HDAC9: variants seen among roughly 807,000 people sequenced by gnomAD.
HDAC9 encodes MEF-2 interacting transcription repressor (MITR) protein.
HDAC9 carries 41 observed loss-of-function variants against 139.4 expected under a neutral mutation model. That is an observed-to-expected ratio of 0.29 (90% CI 0.23 to 0.38). The LOEUF is 0.38. Among genes scored for constraint, HDAC9 ranks in the 10% least tolerant of loss-of-function variants. The pLI is 1.00. For missense variants in HDAC9, 1,147 were observed against 1,297.0 expected, an observed-to-expected ratio of 0.88 and a Z score of 1.78; for synonymous variants, 517 against 476.2, an observed-to-expected ratio of 1.09 and a Z score of -1.12.
chr7:18,719,864 T>C (rs1413390164), intron 12 of HDAC9, among the ~76,000 whole-genome samples: 1 of 152,236 alleles, frequency 6.6e-6, no homozygotes, highest in Non-Finnish European at 1.5e-5. Flanking sequence ...GTTCTATTTG[T>C]TACAAAGTCC....
intron 13 of HDAC9, among the ~76,000 whole-genome samples, chr7:18,742,585 G>T (rs1787561185): frequency 6.6e-6 from 1 of 152,040 alleles, no homozygotes; most frequent in East Asian, 1.9e-4. Context: ...CCAGCAATAT[G>T]TCCCAGGTAT....
intron 17 of HDAC9, among the ~76,000 whole-genome samples, chr7:18,816,954 T>G (rs1257935088): frequency 6.6e-6 from 1 of 152,156 alleles, no homozygotes; most frequent in Non-Finnish European, 1.5e-5. Context: ...TGTAATTTTT[T>G]GGGCCCTATT....
intron 1 of HDAC9, among the ~76,000 whole-genome samples, chr7:18,137,500 A>G (rs1363608086): frequency 3.9e-5 from 6 of 152,030 alleles, no homozygotes. Flanking sequence ...ATTTATTGAG[A>G]GATTTTAGCA....
At chr7:18,376,008 G>T (rs1784970793) in intron 1 of HDAC9, among the ~76,000 whole-genome samples, 1 of 152,154 alleles carries the variant, frequency 6.6e-6, no homozygotes, top group South Asian at 2.1e-4. Flanking sequence ...ATTAAAACAT[G>T]ATTATTGACC....
At chr7:18,161,347 G>A (rs1239290035) in intron 1 of HDAC9, among the ~76,000 whole-genome samples, 3 of 152,024 alleles carry the variant, frequency 2.0e-5, no homozygotes, top group Non-Finnish European at 4.4e-5. Context: ...AAATAGTGAC[G>A]GAAAAACGAG....
intron 12 of HDAC9, among the ~76,000 whole-genome samples, chr7:18,686,717 A>T (rs1562851802): frequency 6.6e-6 from 1 of 151,934 alleles, no homozygotes; most frequent in East Asian, 1.9e-4. Context: ...CTGAAATTTT[A>T]ACTCTGTCAA....
At chr7:18,755,430 A>C (rs1027954776) in intron 14 of HDAC9, among the ~76,000 whole-genome samples, 3 of 152,198 alleles carry the variant, frequency 2.0e-5, no homozygotes, top group Non-Finnish European at 4.4e-5. Flanking sequence ...ATTAATAAAA[A>C]GAGTTATATA....
intron 1 of HDAC9, among the ~76,000 whole-genome samples, chr7:18,354,664 TC>T (rs1783114830): frequency 6.6e-6 from 1 of 152,202 alleles, no homozygotes; most frequent in Non-Finnish European, 1.5e-5. Context: ...ATCTTTGCTT[TC>T]TTCTTTTGTC....
intron 21 of HDAC9, among the ~76,000 whole-genome samples, chr7:18,841,713 C>T (rs753017259): frequency 1.3e-5 from 2 of 152,066 alleles, no homozygotes; most frequent in Admixed American, 6.6e-5. Context: ...GCATTTTAGT[C>T]TATTTAACTT....
intron 24 of HDAC9, among the ~76,000 whole-genome samples, chr7:18,955,125 T>C (rs1783059318): frequency 6.6e-6 from 1 of 152,142 alleles, no homozygotes; most frequent in Non-Finnish European, 1.5e-5. Context: ...TGAAATAAAC[T>C]ATGAATTTTG....
At chr7:18,665,676 C>T (rs1217624217) in intron 11 of HDAC9, among the ~76,000 whole-genome samples, 1 of 151,940 alleles carries the variant, frequency 6.6e-6, no homozygotes, top group Non-Finnish European at 1.5e-5. Flanking sequence ...CTAGTTCTTA[C>T]AAATATATAT....
chr7:18,095,152 T>C (rs1316145392), intron 1 of HDAC9, among the ~76,000 whole-genome samples: 1 of 152,132 alleles, frequency 6.6e-6, no homozygotes, highest in Non-Finnish European at 1.5e-5. Flanking sequence ...ATTAGGAAGC[T>C]GTGCTTCTCT....
intron 23 of HDAC9, among the ~76,000 whole-genome samples, chr7:18,946,036 CAAAAAAAAAAAAAAAAAAA>C (rs1171055959): frequency 1.3e-4 from 5 of 38,276 alleles, no homozygotes; most frequent in East Asian, 1.5e-3. Context: ...GACTCCGTCT[CAAAAAAAAAAAAAAAAAAA>C]AAAAAAAAAA....
intron 1 of HDAC9, among the ~76,000 whole-genome samples, chr7:18,299,979 A>C (rs1798426628): frequency 1.3e-5 from 2 of 152,164 alleles, no homozygotes; most frequent in Non-Finnish European, 2.9e-5. Context: ...TTAATGAAGC[A>C]GTTGAGGTCC....
At chr7:18,402,432 A>G (rs1482127561) in intron 1 of HDAC9, among the ~76,000 whole-genome samples, 1 of 152,200 alleles carries the variant, frequency 6.6e-6, no homozygotes, top group Non-Finnish European at 1.5e-5. Flanking sequence ...GTGCAAAGGC[A>G]TGAGACAGTG....
At chr7:18,107,315 TA>T (rs1783287086) in intron 1 of HDAC9, among the ~76,000 whole-genome samples, 4 of 152,220 alleles carry the variant, frequency 2.6e-5, no homozygotes, top group African/African-American at 9.6e-5. Context: ...TCTTTACAAC[TA>T]AATTCCAGTA....
At chr7:18,431,429 C>G (rs1055803339) in intron 1 of HDAC9, among the ~76,000 whole-genome samples, 2 of 152,136 alleles carry the variant, frequency 1.3e-5, no homozygotes, top group African/African-American at 4.8e-5. Flanking sequence ...GCCTGTGTAA[C>G]TTTTCCATTT....
In HDAC9 at chr7:18,796,729, T is replaced by A. The variant is rs182527462; in HGVS notation, c.2322+3277T>A. Among the ~76,000 whole-genome samples the A allele has an allele frequency of 1.4e-3, 210 of 152,290 alleles. 1 individual carries two copies. In the Middle Eastern group the frequency reaches 0.017, roughly 12 times the overall value. ...TGGAAGAATAATTATCTCAAAATGG[T>A]TTTATTGTTTTATAGGACATTTTAG... is the stretch of plus-strand genomic sequence containing the variant. On this transcript the variant is annotated intron_variant, in intron 17 of 25. Transcript: ENST00000686413.
intron 2 of HDAC9, chr7:18,578,190 G>A (rs776122867): frequency 5.8e-6 from 3 of 518,888 alleles, no homozygotes; most frequent in African/African-American, 3.8e-5. Flanking sequence ...CACAAACTGA[G>A]GGAAAATGTT....
Sources: gnomAD v4.1 joint callset for allele counts (sites outside exome capture counted in the v4.1 genomes callset) on GRCh38, gnomAD v4.1.1 for gene constraint, MANE v1.5 for transcripts, NCBI Gene and HGNC (gene_info 2026-07-23, HGNC 2026-07-21) for gene names.